The following ATP8B1 variants were observed in gnomAD, a reference collection of about 807,000 sequenced individuals.
The protein encoded by ATP8B1 is ATPase phospholipid transporting 8B1.
Under a neutral mutation model 149.9 loss-of-function variants are expected in ATP8B1, and 80 were observed. That is an observed-to-expected ratio of 0.53 (90% CI 0.45 to 0.64). The LOEUF is 0.64. Ranked by LOEUF, ATP8B1 falls within the 30% of genes least tolerant of loss-of-function variation. The probability of loss-of-function intolerance (pLI) is 0.00; values close to 1 mark genes in which losing one functional copy is unlikely to be tolerated. For missense variants in ATP8B1, 1,247 were observed against 1,552.6 expected (o/e 0.80, Z 3.31); for synonymous variants, 536 against 562.8 (o/e 0.95, Z 0.67).
intron 1 of ATP8B1, among the ~76,000 whole-genome samples, chr18:57,783,847 AAAAT>A (rs1211430454): frequency 6.6e-6 from 1 of 152,120 alleles, no homozygotes; most frequent in Non-Finnish European, 1.5e-5. Flanking sequence ...AAAAAAAATA[AAAAT>A]AATAAAGGAA....
chr18:57,712,255 A>G (rs60090981), intron 2 of ATP8B1, among the ~76,000 whole-genome samples: 12,099 of 152,026 alleles, frequency 0.08, 792 homozygotes, highest in African/African-American at 0.18. Context: ...GGGTAGGAAA[A>G]ATAGTCTTGA....
At chr18:57,752,015 G>A (rs1420803078) in intron 1 of ATP8B1, among the ~76,000 whole-genome samples, 6 of 151,886 alleles carry the variant, frequency 4.0e-5, no homozygotes, top group Non-Finnish European at 8.8e-5. Context: ...AGACCAGCCT[G>A]GGCAACATGG....
intron 1 of ATP8B1, among the ~76,000 whole-genome samples, chr18:57,743,995 G>T (rs955030583): frequency 1.3e-5 from 2 of 152,072 alleles, no homozygotes; most frequent in Non-Finnish European, 2.9e-5. Flanking sequence ...AACACTCAGT[G>T]CATGAATCTA....
At chr18:57,672,129 G>T (rs1195265586) in intron 16 of ATP8B1, among the ~76,000 whole-genome samples, 1 of 152,082 alleles carries the variant, frequency 6.6e-6, no homozygotes, top group Non-Finnish European at 1.5e-5. Flanking sequence ...TATAACCTCA[G>T]TTATTCTTCC....
rs142284137 is a variant in ATP8B1 at position 57,668,450 on chromosome 18, C to T, written c.2188G>A (p.Val730Met). Residue 730 changes from valine to methionine, a missense_variant, in exon 19 of 28, where the codon GTG (valine) becomes ATG (methionine). Coordinates refer to ENST00000648908, the MANE Select transcript of ATP8B1 (RefSeq NM_001374385.1). ...KLAKADIKIW[V>M]LTGDKKETAE... ...TTACCCTTTTTGTCTCCAGTAAGCA[C>T]CCAGATCTTAATGTCAGCTTTTGCA... 11 of 1,609,182 alleles carry T rather than the reference C, an allele frequency of 6.8e-6. No homozygotes were observed. Among genetic ancestry groups the T allele is most frequent in the Non-Finnish European group, 9.3e-6 (11 of 1,176,906 alleles).
intron 1 of ATP8B1, among the ~76,000 whole-genome samples, chr18:57,752,144 T>C (rs1373918140): frequency 6.6e-6 from 1 of 151,200 alleles, no homozygotes; most frequent in Non-Finnish European, 1.5e-5. Context: ...GAAGCAGAGG[T>C]TGCAGTGAGC....
intron 20 of ATP8B1, among the ~76,000 whole-genome samples, chr18:57,666,151 A>G (rs548841341): frequency 6.6e-6 from 1 of 152,322 alleles, no homozygotes; most frequent in African/African-American, 2.4e-5. Context: ...GTAGGGAAAA[A>G]TCTTGAGGAA....
rs777933977 is a variant in ATP8B1, at chr18:57,650,501, T to A, written c.3401-4A>T. ...CTCAGAGCGTTTGAAGCTGTGCCTG[T>A]AAAGAACATGGCAAATGCATCACTG... On this transcript the variant is annotated splice_region_variant and splice_polypyrimidine_tract_variant and intron_variant, in intron 26 of 27. Transcript: ENST00000648908. 3 of 1,612,980 alleles carry A rather than the reference T, an allele frequency of 1.9e-6. No homozygotes were observed. The highest frequency in any genetic ancestry group is 8.5e-7 in the Non-Finnish European group (1 of 1,179,260).
chr18:57,683,958 CA>C, intron 15 of ATP8B1, 77 bp downstream of exon 15: 1 of 1,531,080 alleles, frequency 6.5e-7, no homozygotes, highest in Non-Finnish European at 9.0e-7. Flanking sequence ...ACTTGACATG[CA>C]TTTGAGCCAT....
chr18:57,709,345 TC>T lies in ATP8B1; in HGVS notation c.182-2759del, dbSNP rs1913576719. 3.3e-5 allele frequency among the ~76,000 whole-genome samples: 5 copies of T among 152,338 alleles called. No individual in the cohort carries two copies. The South Asian group carries it at 1.0e-3, about 32-fold the overall frequency. ...CTTGTACATTAAAGGCTGTGAGAAG[TC>T]CTGTAGTAAATAAACTGATTTTATT... On this transcript the variant is annotated intron_variant, in intron 2 of 27. Transcript: ENST00000648908.
Position 57,646,548 on chromosome 18 carries a change from T to C in ATP8B1, c.*1940A>G, listed in dbSNP as rs117693241. On this transcript the variant is annotated 3_prime_UTR_variant, in exon 28 of 28. Transcript: ENST00000648908. ...TAATTTATCCAAAGAAATTTGCATT[T>C]AAAATTGTTAATATTGCACCCAACA... is the stretch of plus-strand genomic sequence containing the variant. 4.9e-3 allele frequency: 748 copies of C among 152,778 alleles called. 9 individuals are homozygous for C. Among genetic ancestry groups the C allele is most frequent in the East Asian group, 0.044 (228 of 5,190 alleles). 9.5% of individuals were successfully genotyped at this position (152,778 alleles called of 1,614,324 possible).
chr18:57,654,263 TC>T (rs915556052), intron 23 of ATP8B1, among the ~76,000 whole-genome samples, 188 bp from the exon 24 acceptor site: 1 of 152,014 alleles, frequency 6.6e-6, no homozygotes, highest in African/African-American at 2.4e-5. Context: ...CATCTCAGCC[TC>T]CCAAAGTGTT....
chr18:57,682,586 T>C (rs1912035514), intron 15 of ATP8B1, among the ~76,000 whole-genome samples: 1 of 152,196 alleles, frequency 6.6e-6, no homozygotes, highest in Non-Finnish European at 1.5e-5. Context: ...TGTAATATCA[T>C]ACTTTATGCT....
At chr18:57,685,033 C>A (rs373897610) in intron 14 of ATP8B1, 39 bp downstream of exon 14, 91 of 1,610,908 alleles carry the variant, frequency 5.6e-5, no homozygotes, top group Non-Finnish European at 7.4e-5. Flanking sequence ...CCCTGACATC[C>A]CCAGCATCCC....
intron 11 of ATP8B1, among the ~76,000 whole-genome samples, chr18:57,692,462 G>A (rs201173580): frequency 4.5e-5 from 5 of 112,004 alleles, no homozygotes; most frequent in South Asian, 5.7e-4. Context: ...TTTAGACAGC[G>A]TCTCACTGTA....
intron 13 of ATP8B1, among the ~76,000 whole-genome samples, chr18:57,685,819 T>C (rs983760858): frequency 6.6e-6 from 1 of 152,082 alleles, no homozygotes; most frequent in Non-Finnish European, 1.5e-5. Context: ...TAGTCCCAGC[T>C]ACTCGGGAGG....
In ATP8B1 at chr18:57,661,154, G is replaced by T; in HGVS notation, c.2707+20C>A. On this transcript the variant is annotated intron_variant, in intron 22 of 27. Coordinates refer to ENST00000648908, the MANE Select transcript of ATP8B1 (RefSeq NM_001374385.1). Reference sequence around the variant, plus strand: ...CTCTCTAGCACGTTGGGCCTCACTGGCCGTGGGTGCATGACTCACTTTTGA... The same window carrying T: ...CTCTCTAGCACGTTGGGCCTCACTGTCCGTGGGTGCATGACTCACTTTTGA... 6.2e-7 allele frequency: 1 copy of T among 1,611,926 alleles called. No homozygotes were observed. The highest frequency in any genetic ancestry group is 8.5e-7 in the Non-Finnish European group (1 of 1,179,980).
chr18:57,682,599 T>C (rs1214959285), intron 15 of ATP8B1, among the ~76,000 whole-genome samples: 1 of 152,198 alleles, frequency 6.6e-6, no homozygotes, highest in African/African-American at 2.4e-5. Flanking sequence ...TTTATGCTTA[T>C]TGCCTGGGTA....
chr18:57,775,014 G>T (rs9959640), intron 1 of ATP8B1, among the ~76,000 whole-genome samples: 82,584 of 151,584 alleles, frequency 0.54, 23,647 homozygotes, highest in African/African-American at 0.63. Flanking sequence ...ATGAGAAAGA[G>T]AAGGAAGGAG....
Sources: allele counts gnomAD v4.1 joint callset (sites outside exome capture counted in the v4.1 genomes callset), GRCh38; gene constraint gnomAD v4.1.1; transcripts MANE v1.5; gene names NCBI Gene and HGNC (gene_info 2026-07-23, HGNC 2026-07-21).